The following PREP variants were observed in gnomAD, a reference collection of about 807,000 sequenced individuals.
PREP encodes the protein dJ355L5.1 (prolyl endopeptidase).
In PREP, 29 loss-of-function variants were observed where a neutral mutation model predicts 87.6. That is an observed-to-expected ratio of 0.33 (90% CI 0.25 to 0.45). PREP has a LOEUF of 0.45. Ranked by LOEUF, PREP falls within the 20% of genes least tolerant of loss-of-function variation. The pLI is 1.00. For synonymous variants in PREP, 337 were observed against 328.6 expected (o/e 1.03, Z -0.28); for missense variants, 695 against 886.5 (o/e 0.78, Z 2.74).
At chr6:105,374,769 T>A (rs954810995) in intron 4 of PREP, among the ~76,000 whole-genome samples, 7 of 150,020 alleles carry the variant, frequency 4.7e-5, no homozygotes, top group Non-Finnish European at 1.0e-4. Context: ...ACTACAAAAA[T>A]AATCTGAATG....
intron 7 of PREP, among the ~76,000 whole-genome samples, chr6:105,344,357 T>G (rs1771742554): frequency 6.6e-6 from 1 of 152,042 alleles, no homozygotes; most frequent in South Asian, 2.1e-4. Context: ...CCAGGCGTGG[T>G]GGCGGGCGCC....
chr6:105,366,180 C>A (rs915208870), intron 6 of PREP, among the ~76,000 whole-genome samples: 7 of 152,116 alleles, frequency 4.6e-5, no homozygotes, highest in African/African-American at 1.7e-4. Flanking sequence ...TCGCTTGAAC[C>A]CGGGAGGTGG....
chr6:105,326,733 A>T (rs1254844019), intron 9 of PREP, among the ~76,000 whole-genome samples: 22 of 152,230 alleles, frequency 1.4e-4, no homozygotes, highest in Admixed American at 1.4e-3. Context: ...GTCTCACAAG[A>T]TCTGAATCCG....
chr6:105,303,129 ATG>A (rs1770579695), intron 10 of PREP, among the ~76,000 whole-genome samples: 2 of 151,564 alleles, frequency 1.3e-5, no homozygotes, highest in Non-Finnish European at 3.0e-5. Context: ...GTATGTATGT[ATG>A]TATGTATGTA....
At chr6:105,325,198 T>G (rs1303490761) in intron 9 of PREP, among the ~76,000 whole-genome samples, 2 of 152,004 alleles carry the variant, frequency 1.3e-5, no homozygotes, top group African/African-American at 4.8e-5. Flanking sequence ...TGTGAATCCT[T>G]GAAAAAAAGT....
At position 105,277,737 on chromosome 6, in the gene PREP, T is replaced by A. The variant is rs1769976589; in HGVS notation, c.*407A>T. 1.2e-5 allele frequency: 2 copies of A among 164,854 alleles called. No individual in the cohort carries two copies. The highest frequency in any genetic ancestry group is 1.2e-4 in the Admixed American group (2 of 17,080). 10.2% of individuals were successfully genotyped at this position (164,854 alleles called of 1,614,324 possible). ...AAGCCTGTCATTCTTAAATAACATT[T>A]ATTATTGTTGCAAAGAAGTCTTCTC... is the stretch of plus-strand genomic sequence containing the variant. On this transcript the variant is annotated 3_prime_UTR_variant, in exon 15 of 15. Coordinates refer to ENST00000652536, the MANE Select transcript of PREP (RefSeq NM_002726.5).
At chr6:105,391,034 T>TACACAC (rs59538588) in intron 2 of PREP, among the ~76,000 whole-genome samples, 17,652 of 141,228 alleles carry the variant, frequency 0.12, 1,297 homozygotes, top group South Asian at 0.23. Context: ...TCTGGTTTTA[T>TACACAC]ACACACACAC....
chr6:105,357,145 T>G (rs1268412410), intron 6 of PREP, among the ~76,000 whole-genome samples: 1 of 152,240 alleles, frequency 6.6e-6, no homozygotes, highest in African/African-American at 2.4e-5. Context: ...ATTAAGATTA[T>G]CCACAACTTC....
At chr6:105,374,038 T>G (rs1371306789) in intron 4 of PREP, among the ~76,000 whole-genome samples, 5 of 152,192 alleles carry the variant, frequency 3.3e-5, no homozygotes, top group African/African-American at 1.2e-4. Context: ...GGGAGATTGA[T>G]TCCAAATTAT....
intron 6 of PREP, among the ~76,000 whole-genome samples, chr6:105,368,038 T>C (rs950988549): frequency 2.6e-5 from 4 of 152,174 alleles, no homozygotes; most frequent in Admixed American, 2.0e-4. Flanking sequence ...TAAAATACCA[T>C]AGATTCCTGT....
At chr6:105,351,843 A>G (rs1009354295) in intron 7 of PREP, among the ~76,000 whole-genome samples, 4 of 152,222 alleles carry the variant, frequency 2.6e-5, no homozygotes, top group African/African-American at 9.6e-5. Context: ...CTTGACACCA[A>G]GATGGATGTA....
In PREP at chr6:105,376,204, T is replaced by C; in HGVS notation, c.306A>G (p.Val102=). The C allele has an allele frequency of 6.2e-7, 1 of 1,613,770 alleles. No individual in the cohort carries two copies. The highest frequency in any genetic ancestry group is 8.5e-7 in the Non-Finnish European group (1 of 1,179,716). ...TGGCCTCACCCTCTAAGGAATCCTG[T>C]ACATATAATACTCGCTGGTTCTGCA... ...TGLQNQRVLY[V]QDSLEGEARV... is the part of the protein sequence containing the mutation. Residue 102 remains valine (V), a synonymous_variant, in exon 4 of 15, where the codon GTA becomes GTG. Coordinates refer to ENST00000652536, the MANE Select transcript of PREP (RefSeq NM_002726.5).
intron 10 of PREP, among the ~76,000 whole-genome samples, chr6:105,319,977 A>G (rs967555424): frequency 2.0e-5 from 3 of 152,234 alleles, no homozygotes; most frequent in African/African-American, 7.2e-5. Flanking sequence ...ATATTTATTG[A>G]TAGGCAACAT....
chr6:105,341,776 C>G (rs1416028102), intron 7 of PREP, among the ~76,000 whole-genome samples: 1 of 152,176 alleles, frequency 6.6e-6, no homozygotes, highest in Non-Finnish European at 1.5e-5. Context: ...TGCAAGTAAA[C>G]TAGAAAATCT....
intron 10 of PREP, among the ~76,000 whole-genome samples, chr6:105,297,174 GC>G (rs1246408884): frequency 6.6e-6 from 1 of 152,070 alleles, no homozygotes; most frequent in Admixed American, 6.6e-5. Context: ...TTGTGCCAAG[GC>G]CCCCTACACC....
intron 10 of PREP, among the ~76,000 whole-genome samples, chr6:105,321,453 G>C (rs1771005980): frequency 6.6e-6 from 1 of 152,226 alleles, no homozygotes. Flanking sequence ...TGTTCTCCAC[G>C]GTTTAACCTG....
At chr6:105,363,570 A>G (rs1772306574) in intron 6 of PREP, among the ~76,000 whole-genome samples, 1 of 152,198 alleles carries the variant, frequency 6.6e-6, no homozygotes, top group East Asian at 1.9e-4. Flanking sequence ...TCCTGAGCCC[A>G]GCATTTTGGA....
chr6:105,399,276 C>T (rs72939782), intron 1 of PREP, among the ~76,000 whole-genome samples: 6,159 of 152,256 alleles, frequency 0.04, 184 homozygotes, highest in South Asian at 0.14. Flanking sequence ...CTTTGTTCTA[C>T]AATGCCAGAA....
intron 10 of PREP, among the ~76,000 whole-genome samples, chr6:105,319,986 AT>A (rs1454343175): frequency 3.9e-5 from 6 of 152,260 alleles, no homozygotes; most frequent in Non-Finnish European, 5.9e-5. Flanking sequence ...GATAGGCAAC[AT>A]TTAACTATCA....
Sources: gnomAD v4.1 joint callset for allele counts (sites outside exome capture counted in the v4.1 genomes callset) on GRCh38, gnomAD v4.1.1 for gene constraint, MANE v1.5 for transcripts, NCBI Gene and HGNC (gene_info 2026-07-23, HGNC 2026-07-21) for gene names.